The following JAK2 variants were observed in gnomAD, a reference collection of about 807,000 sequenced individuals.
JAK2 encodes the protein Janus kinase 2, also known as tyrosine-protein kinase JAK2.
Under a neutral mutation model 139.3 loss-of-function variants are expected in JAK2, and 86 were observed. That is an observed-to-expected ratio of 0.62 (90% CI 0.52 to 0.74). The LOEUF is 0.74. Among genes scored for constraint, JAK2 ranks in the 30% least tolerant of loss-of-function variants. The probability of loss-of-function intolerance (pLI) is 0.00; values close to 1 mark genes in which losing one functional copy is unlikely to be tolerated. For synonymous variants in JAK2, 490 were observed against 437.7 expected, an observed-to-expected ratio of 1.12 and a Z score of -1.49; for missense variants, 1,421 against 1,360.3, an observed-to-expected ratio of 1.04 and a Z score of -0.70.
Position 5,090,744 on chromosome 9 carries a change from G to A in JAK2, c.2892G>A (p.Met964Ile). 6.2e-7 allele frequency: 1 copy of A among 1,601,726 alleles called. No individual in the cohort carries two copies. The highest frequency in any genetic ancestry group is 8.5e-7 in the Non-Finnish European group (1 of 1,176,616). The change falls in exon 22 of 25, where the codon ATG (methionine) becomes ATA (isoleucine). Residue 964 changes from methionine (M) to isoleucine (I), a missense_variant. Transcript: ENST00000381652. ...GAAAAATGTTTTATCCATAGGGTAT[G>A]GAGTATCTTGGTACAAAAAGGTATA... The part of the protein sequence containing the change: ...LQYTSQICKG[M>I]EYLGTKRYIH...
At chr9:5,032,240 A>T (rs572465556) in intron 4 of JAK2, among the ~76,000 whole-genome samples, 7 of 152,218 alleles carry the variant, frequency 4.6e-5, no homozygotes, top group Non-Finnish European at 8.8e-5. Context: ...TAGGTAAACA[A>T]AGCAGCCAGG....
At chr9:5,092,740 C>G (rs1039621502) in intron 22 of JAK2, among the ~76,000 whole-genome samples, 12 of 152,144 alleles carry the variant, frequency 7.9e-5, no homozygotes, top group African/African-American at 2.9e-4. Flanking sequence ...GCGTACTCAC[C>G]TACGTGGCAA....
At position 5,049,982 on chromosome 9, in the gene JAK2, A is replaced by AT. The variant is rs566059258; in HGVS notation, c.469-703dup. On this transcript the variant is annotated intron_variant, in intron 5 of 24. Coordinates refer to ENST00000381652, the MANE Select transcript of JAK2 (RefSeq NM_004972.4). The stretch of plus-strand genomic sequence containing the variant: ...CAATCTTATGGAACCATCGTTATAT[A>AT]TGTGGTCTGCCATTGACCAAAACAT... Among the ~76,000 whole-genome samples, 15 of 152,332 alleles carry AT rather than the reference A, an allele frequency of 9.8e-5. No homozygotes were observed. In the South Asian group the frequency reaches 2.9e-3, roughly 29 times the overall value.
chr9:5,109,006 A>G (rs1822213074), intron 22 of JAK2: 1 of 152,070 alleles, frequency 6.6e-6, no homozygotes. Context: ...ACTTCTAGCA[A>G]ATCTCACTAA....
At chr9:5,012,267 A>G (rs1422667333) in intron 2 of JAK2, among the ~76,000 whole-genome samples, 1 of 152,202 alleles carries the variant, frequency 6.6e-6, no homozygotes, top group African/African-American at 2.4e-5. Context: ...AAGAGTAAGT[A>G]TGGGCCTCAT....
chr9:5,042,611 C>T (rs1454540744), intron 4 of JAK2, among the ~76,000 whole-genome samples: 1 of 110,230 alleles, frequency 9.1e-6, no homozygotes, highest in Non-Finnish European at 1.8e-5. Flanking sequence ...GCCCAGCCAG[C>T]TGCCCCCGTT....
chr9:5,068,074 C>T (rs535930299), intron 10 of JAK2, among the ~76,000 whole-genome samples: 8 of 151,484 alleles, frequency 5.3e-5, no homozygotes, highest in East Asian at 1.9e-4. Flanking sequence ...GTAGGAGAAG[C>T]GCTTGAACCC....
chr9:5,121,786 G>A (rs1379043786), intron 22 of JAK2, among the ~76,000 whole-genome samples: 1 of 151,990 alleles, frequency 6.6e-6, no homozygotes, highest in African/African-American at 2.4e-5. Context: ...TTTTAAATTT[G>A]TATTTACCCT....
In JAK2 at chr9:5,023,064, T is replaced by C. The variant is rs371591511; in HGVS notation, c.226+851T>C. Among the ~76,000 whole-genome samples the C allele has an allele frequency of 4.0e-3, 609 of 152,346 alleles. 4 individuals are homozygous for C. The highest frequency in any genetic ancestry group is 0.014 in the African/African-American group (594 of 41,572). ...TTTTGAAAAATACAATACATTGTTG[T>C]TAACTATAGTCACCCTACTCTTCTA... is the stretch of plus-strand genomic sequence containing the variant. On this transcript the variant is annotated intron_variant, in intron 3 of 24. Transcript: ENST00000381652.
chr9:4,988,806 C>T (rs1820100295), intron 2 of JAK2, among the ~76,000 whole-genome samples: 2 of 152,134 alleles, frequency 1.3e-5, no homozygotes, highest in African/African-American at 4.8e-5. Context: ...GTGAAAGTTA[C>T]CATTTTCTAC....
At chr9:5,125,305 C>T (rs924378687) in intron 23 of JAK2, among the ~76,000 whole-genome samples, 2 of 151,052 alleles carry the variant, frequency 1.3e-5, no homozygotes, top group African/African-American at 4.8e-5. Flanking sequence ...GCAGTTTGCT[C>T]TCCTTCTGTT....
At chr9:5,011,317 C>A (rs1173928159) in intron 2 of JAK2, among the ~76,000 whole-genome samples, 1 of 152,100 alleles carries the variant, frequency 6.6e-6, no homozygotes, top group African/African-American at 2.4e-5. Flanking sequence ...TCCCAAGTAG[C>A]TGGGACTACG....
chr9:5,008,535 A>G (rs538697303), intron 2 of JAK2, among the ~76,000 whole-genome samples: 45 of 152,312 alleles, frequency 3.0e-4, no homozygotes, highest in African/African-American at 9.4e-4. Context: ...GAGCAGCACT[A>G]AGGGCCCATT....
chr9:5,118,323 T>C (rs1464902330), intron 22 of JAK2, among the ~76,000 whole-genome samples: 6 of 152,226 alleles, frequency 3.9e-5, no homozygotes. Context: ...TTGCATAATA[T>C]GTTACACTTT....
rs942341980 is a variant in JAK2, at chr9:5,085,408, G to A, written c.2571+3547G>A. ...GTCGGGGCATCCTAGAACAGAGACT[G>A]CTTTACAACTGTTGGCTATCAGGCT... is the stretch of plus-strand genomic sequence containing the variant. On this transcript the variant is annotated intron_variant, in intron 19 of 24. Coordinates refer to ENST00000381652, the MANE Select transcript of JAK2 (RefSeq NM_004972.4). 7.7e-6 allele frequency: 6 copies of A among 783,474 alleles called. No homozygotes were observed. In the African/African-American group the frequency reaches 1.0e-4, roughly 13 times the overall value. 48.5% of individuals were successfully genotyped at this position (783,474 alleles called of 1,614,324 possible).
At chr9:5,096,974 T>A (rs192480178) in intron 22 of JAK2, 2 of 152,210 alleles carry the variant, frequency 1.3e-5, no homozygotes, top group Admixed American at 6.5e-5. Context: ...ATGAGCTTTT[T>A]ACTTCTCCCC....
At chr9:5,014,885 G>T (rs979746993) in intron 2 of JAK2, among the ~76,000 whole-genome samples, 1 of 150,912 alleles carries the variant, frequency 6.6e-6, no homozygotes, top group Non-Finnish European at 1.5e-5. Flanking sequence ...AGTAACCATT[G>T]TGTATTGTAT....
At chr9:5,078,725 T>C (rs1395310050) in intron 16 of JAK2, among the ~76,000 whole-genome samples, 1 of 152,204 alleles carries the variant, frequency 6.6e-6, no homozygotes, top group Non-Finnish European at 1.5e-5. Flanking sequence ...GTATGAAGTT[T>C]TGTAATATTC....
At chr9:5,013,073 G>C (rs1017913375) in intron 2 of JAK2, among the ~76,000 whole-genome samples, 2 of 152,210 alleles carry the variant, frequency 1.3e-5, no homozygotes, top group Non-Finnish European at 2.9e-5. Context: ...TGAAAAAAGA[G>C]AAGAATAAAG....
Sources: allele counts gnomAD v4.1 joint callset (sites outside exome capture counted in the v4.1 genomes callset), GRCh38; gene constraint gnomAD v4.1.1; transcripts MANE v1.5; gene names NCBI Gene and HGNC (gene_info 2026-07-23, HGNC 2026-07-21).